Variants in KDM2B observed in about 807,000 individuals in gnomAD.
KDM2B encodes the protein lysine demethylase 2B.
In KDM2B, 26 loss-of-function variants were observed where a neutral mutation model predicts 150.0. The ratio of observed to expected loss-of-function variants is 0.17; its 90% CI spans 0.13 to 0.24. The LOEUF (loss-of-function observed/expected upper bound fraction) is 0.24. KDM2B is among the 10% of genes least tolerant of loss of function. The probability of loss-of-function intolerance (pLI) is 1.00; values close to 1 mark genes in which losing one functional copy is unlikely to be tolerated. For synonymous variants in KDM2B, 734 were observed against 729.5 expected (o/e 1.01, Z -0.10); for missense variants, 1,265 against 1,816.9 (o/e 0.70, Z 5.52).
chr12:121,578,478 G>T (rs1891675218), intron 2 of KDM2B, among the ~76,000 whole-genome samples: 10 of 152,148 alleles, frequency 6.6e-5, no homozygotes. Flanking sequence ...CCGGCTCGGG[G>T]AGGGGGAGGA....
chr12:121,492,673 C>CA (rs1883482494), intron 12 of KDM2B, among the ~76,000 whole-genome samples: 1 of 149,948 alleles, frequency 6.7e-6, no homozygotes, highest in African/African-American at 2.4e-5. Context: ...ACTAAAAATA[C>CA]AAAAAATTAG....
At position 121,549,392 on chromosome 12, in the gene KDM2B, T is replaced by A; in HGVS notation, c.576+68A>T. 7.0e-7 allele frequency: 1 copy of A among 1,435,260 alleles called. No individual in the cohort carries two copies. The highest frequency in any genetic ancestry group is 9.5e-7 in the Non-Finnish European group (1 of 1,054,620). 88.9% of individuals were successfully genotyped at this position (1,435,260 alleles called of 1,614,324 possible). A position where few individuals can be genotyped will look rare whatever the true frequency, so the allele number is the denominator to read the frequency against. ...GCCTTTTTGCAAGGCACAACCCAGG[T>A]GGCAGGGGGACAGGGAAGGAGATGA... On this transcript the variant is annotated intron_variant, in intron 5 of 22. Coordinates refer to ENST00000377071, the MANE Select transcript of KDM2B (RefSeq NM_032590.5). The surrounding 1 kb of genome is among the most constrained non-coding windows in gnomAD (Gnocchi z 4.4).
Position 121,453,104 on chromosome 12 carries a change from C to G in KDM2B, c.1959+16G>C. ...GGCCTGAATCGAGCGCAGGGCTGGG[C>G]GGGGGCCGCACTCACCGCGATGCAC... On this transcript the variant is annotated intron_variant, in intron 13 of 22. Transcript: ENST00000377071. The surrounding 1 kb of genome is among the most constrained non-coding windows in gnomAD (Gnocchi z 6.4). 6.3e-7 allele frequency: 1 copy of G among 1,589,348 alleles called. No individual in the cohort carries two copies. The highest frequency in any genetic ancestry group is 1.3e-5 in the African/African-American group (1 of 74,604).
downstream of KDM2B, among the ~76,000 whole-genome samples, chr12:121,424,851 C>T (rs1276401387): frequency 2.6e-5 from 4 of 152,156 alleles, no homozygotes; most frequent in African/African-American, 7.2e-5. Flanking sequence ...GCTGTAGTTG[C>T]CTCTGCAGTC....
intron 11 of KDM2B, among the ~76,000 whole-genome samples, chr12:121,502,126 G>A (rs1039185849): frequency 7.2e-5 from 11 of 152,076 alleles, no homozygotes; most frequent in African/African-American, 2.2e-4. Flanking sequence ...ACCCTGCACC[G>A]GCCTGTTTTC....
At chr12:121,456,808 G>A (rs1379228878) in intron 12 of KDM2B, among the ~76,000 whole-genome samples, 1 of 152,218 alleles carries the variant, frequency 6.6e-6, no homozygotes, top group Non-Finnish European at 1.5e-5. Context: ...CTCAACAGCA[G>A]TTGAGACATC....
rs111819134 is a variant in KDM2B, at chr12:121,555,763, A to C, written c.398-6125T>G. Among the ~76,000 whole-genome samples, 7 of 152,288 alleles carry C rather than the reference A, an allele frequency of 4.6e-5. 1 individual carries two copies. Among genetic ancestry groups the C allele is most frequent in the East Asian group, 1.9e-4 (1 of 5,190 alleles). On this transcript the variant is annotated intron_variant, in intron 4 of 22. Transcript: ENST00000377071. ...TCAAATCTCATGTTGAAACATGAAT[A>C]TCTCTCAAATATCTCCAATGTTAGA... is the stretch of plus-strand genomic sequence containing the variant.
At chr12:121,444,727 G>C in intron 14 of KDM2B, 191 bp from the exon 15 acceptor site, 1 of 619,506 alleles carries the variant, frequency 1.6e-6, no homozygotes, top group Non-Finnish European at 2.9e-6. Context: ...TCCAGGCCAG[G>C]GTTCAGAGGC....
intron 9 of KDM2B, chr12:121,516,298 G>A: frequency 5.9e-6 from 2 of 340,252 alleles, no homozygotes; most frequent in Middle Eastern, 2.1e-3. Flanking sequence ...AATTGAGGGG[G>A]CTGCACTTCA....
At chr12:121,538,036 C>T (rs1298865170) in intron 6 of KDM2B, among the ~76,000 whole-genome samples, 3 of 151,092 alleles carry the variant, frequency 2.0e-5, no homozygotes, top group Non-Finnish European at 4.4e-5. Context: ...GCCCCCTCCA[C>T]GGCGCTGCCA....
chr12:121,471,126 C>T (rs1332658778), intron 12 of KDM2B, among the ~76,000 whole-genome samples: 1 of 152,146 alleles, frequency 6.6e-6, no homozygotes, highest in East Asian at 1.9e-4. Flanking sequence ...TTATGCCAGC[C>T]CTTGCCCAAC....
At chr12:121,516,349 A>G (rs367707190) in intron 9 of KDM2B, 17 of 547,372 alleles carry the variant, frequency 3.1e-5, no homozygotes, top group Middle Eastern at 6.4e-4. Context: ...GCTGAACCCA[A>G]TGGAAACCAG....
chr12:121,538,990 C>T (rs1888384494), intron 6 of KDM2B, among the ~76,000 whole-genome samples: 1 of 152,082 alleles, frequency 6.6e-6, no homozygotes, highest in African/African-American at 2.4e-5. Flanking sequence ...CCACCCTGTC[C>T]CACACCCTTC....
chr12:121,445,280 G>A lies in KDM2B; in HGVS notation c.2098C>T (p.Leu700Phe), dbSNP rs868948555. ...GTCCCCACTGGGCCACTCACCTTAA[G>A]GCATCCAGGGTGGATGATTTCATTG... ...ICNEIIHPGC[L>F]KIKESEGVVN... Residue 700 changes from leucine to phenylalanine, a missense_variant, in exon 14 of 23, where the codon CTT becomes TTT. Physicochemically the swap from Leu to Phe is conservative, Grantham distance 22. Around this residue, in one of 11 missense-constraint regions of KDM2B, gnomAD observed 38 missense variants for 98.1 expected, o/e 0.39. Transcript: ENST00000377071. 1 of 1,613,846 alleles carries A rather than the reference G, an allele frequency of 6.2e-7. No individual in the cohort carries two copies. Among genetic ancestry groups the A allele is most frequent in the Non-Finnish European group, 8.5e-7 (1 of 1,179,866 alleles).
chr12:121,455,675 G>C (rs1593806364), intron 12 of KDM2B, among the ~76,000 whole-genome samples: 1 of 152,166 alleles, frequency 6.6e-6, no homozygotes, highest in East Asian at 1.9e-4. Flanking sequence ...CTGTACTCCA[G>C]CCTAGGAGAC....
At chr12:121,503,973 A>C (rs1884829396) in intron 11 of KDM2B, among the ~76,000 whole-genome samples, 1 of 152,214 alleles carries the variant, frequency 6.6e-6, no homozygotes, top group Non-Finnish European at 1.5e-5. Flanking sequence ...AGTAGCTAAG[A>C]GCAGAAACCA....
At chr12:121,573,285 CT>C (rs34937823) in intron 4 of KDM2B, among the ~76,000 whole-genome samples, 45,969 of 141,822 alleles carry the variant, frequency 0.32, 7,405 homozygotes, top group East Asian at 0.46. Context: ...ACACTGTTTA[CT>C]TTTTTTTTTT....
chr12:121,542,239 A>G (rs544600141), intron 6 of KDM2B, among the ~76,000 whole-genome samples: 1 of 152,352 alleles, frequency 6.6e-6, no homozygotes, highest in African/African-American at 2.4e-5. Flanking sequence ...TCCTGCCAAC[A>G]GCCACGGGGA....
intron 4 of KDM2B, among the ~76,000 whole-genome samples, chr12:121,562,579 A>C (rs1890421548): frequency 6.6e-6 from 1 of 152,076 alleles, no homozygotes; most frequent in Non-Finnish European, 1.5e-5. Context: ...GGCAAGATCC[A>C]CAGCTCCTGA....
Sources: allele counts gnomAD v4.1 joint callset (sites outside exome capture counted in the v4.1 genomes callset), GRCh38; gene constraint gnomAD v4.1.1; regional missense constraint gnomAD v4.1.1; non-coding constraint Gnocchi (gnomAD v3.1); transcripts MANE v1.5; gene names NCBI Gene and HGNC (gene_info 2026-07-23, HGNC 2026-07-21).